The following FSTL5 variants were observed in gnomAD, a reference collection of about 807,000 sequenced individuals.
FSTL5 encodes follistatin-related protein 5.
A neutral mutation model predicts 89.1 loss-of-function variants in FSTL5; 62 were observed. The observed-to-expected ratio is 0.70, with a 90% CI of 0.57 to 0.86. FSTL5 has a LOEUF of 0.86. Ranked by LOEUF, FSTL5 falls within the 40% of genes least tolerant of loss-of-function variation. FSTL5 has a pLI of 0.00. For synonymous variants in FSTL5, 383 were observed against 346.2 expected, an observed-to-expected ratio of 1.11 and a Z score of -1.18; for missense variants, 1,057 against 1,001.6, an observed-to-expected ratio of 1.06 and a Z score of -0.75.
intron 15 of FSTL5, among the ~76,000 whole-genome samples, chr4:161,400,855 T>G (rs1442247019): frequency 6.6e-6 from 1 of 152,124 alleles, no homozygotes; most frequent in Non-Finnish European, 1.5e-5. Flanking sequence ...CTTAGGACAT[T>G]ATGTTATTAT....
chr4:161,956,638 A>G (rs1735033472), intron 3 of FSTL5, among the ~76,000 whole-genome samples: 1 of 152,000 alleles, frequency 6.6e-6, no homozygotes, highest in Admixed American at 6.6e-5. Flanking sequence ...CAAACAAATG[A>G]CAGCATATAA....
At chr4:161,753,502 G>A (rs1740467341) in intron 6 of FSTL5, among the ~76,000 whole-genome samples, 1 of 152,000 alleles carries the variant, frequency 6.6e-6, no homozygotes, top group Admixed American at 6.5e-5. Context: ...TTCTGGCCCC[G>A]TCATCACTTT....
intron 1 of FSTL5, among the ~76,000 whole-genome samples, chr4:162,143,924 C>T (rs1054154065): frequency 6.6e-6 from 1 of 151,856 alleles, no homozygotes; most frequent in African/African-American, 2.4e-5. Flanking sequence ...AACAGAAGTA[C>T]AAACATTATT....
intron 4 of FSTL5, among the ~76,000 whole-genome samples, chr4:161,790,454 G>A (rs1170062197): frequency 2.6e-5 from 4 of 152,148 alleles, no homozygotes; most frequent in Admixed American, 2.6e-4. Context: ...CCACTTACGT[G>A]CTGCCTTGAC....
intron 3 of FSTL5, among the ~76,000 whole-genome samples, chr4:161,969,103 C>A (rs905319445): frequency 1.3e-5 from 2 of 151,840 alleles, no homozygotes; most frequent in African/African-American, 4.8e-5. Flanking sequence ...GTTGGAGGGG[C>A]TTTATTTTTT....
chr4:161,524,289 T>C (rs763405224), intron 10 of FSTL5, among the ~76,000 whole-genome samples: 32 of 152,178 alleles, frequency 2.1e-4, no homozygotes, highest in Non-Finnish European at 3.7e-4. Context: ...TGTCCTGCTT[T>C]TCTGGACCAA....
chr4:161,941,870 G>C (rs912904757), intron 3 of FSTL5, among the ~76,000 whole-genome samples: 1 of 151,794 alleles, frequency 6.6e-6, no homozygotes, highest in Non-Finnish European at 1.5e-5. Context: ...CATGCCCCAG[G>C]ATATGTTAGG....
At chr4:161,847,034 G>T (rs994176976) in intron 4 of FSTL5, among the ~76,000 whole-genome samples, 4 of 151,996 alleles carry the variant, frequency 2.6e-5, no homozygotes, top group Admixed American at 6.6e-5. Flanking sequence ...GGAGTTACAT[G>T]GTAGTATTAT....
At chr4:161,940,063 T>A (rs1399686495) in intron 3 of FSTL5, among the ~76,000 whole-genome samples, 1 of 151,778 alleles carries the variant, frequency 6.6e-6, no homozygotes, top group African/African-American at 2.4e-5. Flanking sequence ...ATTCTGGCTC[T>A]TAGAATAGCT....
intron 10 of FSTL5, 38 bp from the exon 11 acceptor site, chr4:161,510,462 T>C (rs754111389): frequency 1.5e-6 from 2 of 1,306,128 alleles, no homozygotes; most frequent in South Asian, 2.8e-5. Context: ...AAAAGAAAAA[T>C]GAGTAAAGAG....
At chr4:161,958,486 A>T (rs1468034933) in intron 3 of FSTL5, among the ~76,000 whole-genome samples, 76 of 152,228 alleles carry the variant, frequency 5.0e-4, no homozygotes, top group Non-Finnish European at 1.5e-5. Context: ...AATGAAATTA[A>T]GTTGCATAGA....
intron 6 of FSTL5, among the ~76,000 whole-genome samples, chr4:161,680,006 TA>T (rs2126707500): frequency 6.6e-6 from 1 of 152,014 alleles, no homozygotes; most frequent in South Asian, 2.1e-4. Context: ...TTTGCACTTT[TA>T]TTCTTAATTG....
intron 3 of FSTL5, among the ~76,000 whole-genome samples, chr4:162,031,667 G>C (rs1252216251): frequency 6.6e-6 from 1 of 152,148 alleles, no homozygotes; most frequent in Non-Finnish European, 1.5e-5. Flanking sequence ...GCCGGGCGCG[G>C]TGGCTCAAGC....
At position 161,943,538 on chromosome 4, in the gene FSTL5, C is replaced by CTTTTTTTTT. The variant is rs77101651; in HGVS notation, c.161-22895_161-22887dup. 5.2e-4 allele frequency among the ~76,000 whole-genome samples: 18 copies of CTTTTTTTTT among 34,366 alleles called. 6 individuals are homozygous for CTTTTTTTTT. Among genetic ancestry groups the CTTTTTTTTT allele is most frequent in the African/African-American group, 2.2e-3 (18 of 8,066 alleles). The allele number at this position is 34,366 out of a possible 152,430, so 22.5% of individuals were successfully genotyped here. The stretch of plus-strand genomic sequence containing the variant: ...GACTTTTACATCAGAACCACTGTAT[C>CTTTTTTTTT]TTTTTTTTTTTTTTTTTTTTTTTTT... On this transcript the variant is annotated intron_variant, in intron 3 of 15. Transcript: ENST00000306100.
intron 5 of FSTL5, among the ~76,000 whole-genome samples, chr4:161,770,361 T>C (rs1741165035): frequency 6.6e-6 from 1 of 151,998 alleles, no homozygotes. Flanking sequence ...ATTGAATTGC[T>C]TGTAGCAAAA....
chr4:161,459,238 A>G lies in FSTL5; in HGVS notation c.1690T>C (p.Leu564=). ...DQVWVLSWGT[L]EKTSPTLQVI... ...TGTAGTGTTGGTGATGTCTTCTCCA[A>G]GGTACCCCAGCTTAGCACCCAGACC... The change falls in exon 14 of 16, where the codon TTG becomes CTG. Residue 564 remains leucine (L), a synonymous_variant. Coordinates refer to ENST00000306100, the MANE Select transcript of FSTL5 (RefSeq NM_020116.5). 3 of 1,610,626 alleles carry G rather than the reference A, an allele frequency of 1.9e-6. No homozygotes were observed. The highest frequency in any genetic ancestry group is 1.3e-5 in the African/African-American group (1 of 74,966).
chr4:161,761,883 G>T (rs1053376481), intron 5 of FSTL5, among the ~76,000 whole-genome samples: 1 of 152,006 alleles, frequency 6.6e-6, no homozygotes, highest in Non-Finnish European at 1.5e-5. Flanking sequence ...TCTCATTTAA[G>T]TGGGTCAATG....
intron 3 of FSTL5, among the ~76,000 whole-genome samples, chr4:162,013,222 T>C (rs147342929): frequency 8.3e-4 from 126 of 152,114 alleles, no homozygotes; most frequent in African/African-American, 2.9e-3. Context: ...CTTCACAATG[T>C]CTATTACAAT....
intron 2 of FSTL5, among the ~76,000 whole-genome samples, chr4:162,078,353 C>T (rs1729952460): frequency 6.6e-6 from 1 of 151,722 alleles, no homozygotes; most frequent in Admixed American, 6.6e-5. Context: ...ACCATGAATC[C>T]CAACACCTAG....
Sources: gnomAD v4.1 joint callset for allele counts (sites outside exome capture counted in the v4.1 genomes callset) on GRCh38, gnomAD v4.1.1 for gene constraint, MANE v1.5 for transcripts, NCBI Gene and HGNC (gene_info 2026-07-23, HGNC 2026-07-21) for gene names.